DSP: variants seen among roughly 807,000 people sequenced by gnomAD.
The protein encoded by DSP is desmoplakin, also known as 250/210 kDa paraneoplastic pemphigus antigen.
A neutral mutation model predicts 290.6 loss-of-function variants in DSP; 114 were observed. The ratio of observed to expected loss-of-function variants is 0.39; its 90% CI spans 0.34 to 0.46. The LOEUF is 0.46. Among genes scored for constraint, DSP ranks in the 20% least tolerant of loss-of-function variants. The pLI is 0.99. For missense variants in DSP, 3,230 were observed against 3,495.8 expected (o/e 0.92, Z 1.92); for synonymous variants, 1,311 against 1,316.4 (o/e 1.00, Z 0.09).
intron 1 of DSP, among the ~76,000 whole-genome samples, chr6:7,548,373 C>G (rs571097463): frequency 6.6e-6 from 1 of 152,298 alleles, no homozygotes; most frequent in South Asian, 2.1e-4. Flanking sequence ...CCCCTCTGAG[C>G]CTCACCTCAG....
chr6:7,544,101 TGCCCGGCAG>T (rs1758100164), intron 1 of DSP, among the ~76,000 whole-genome samples: 1 of 152,196 alleles, frequency 6.6e-6, no homozygotes, highest in Non-Finnish European at 1.5e-5. Context: ...AATGTTGCTC[TGCCCGGCAG>T]CAGGGCGTCA....
At chr6:7,561,533 C>T (rs868116243) in intron 4 of DSP, among the ~76,000 whole-genome samples, 26 of 152,124 alleles carry the variant, frequency 1.7e-4, no homozygotes, top group African/African-American at 5.8e-4. Flanking sequence ...TTTGTTTTCC[C>T]GATTTGTGTT....
intron 4 of DSP, among the ~76,000 whole-genome samples, chr6:7,560,084 A>C (rs1264190376): frequency 6.6e-6 from 1 of 152,262 alleles, no homozygotes; most frequent in Non-Finnish European, 1.5e-5. Flanking sequence ...TATAATGAAC[A>C]GGTGGTGGTA....
At chr6:7,578,340 C>T in intron 21 of DSP, 124 bp from the exon 22 acceptor site, 1 of 816,682 alleles carries the variant, frequency 1.2e-6, no homozygotes, top group Non-Finnish European at 2.0e-6. Flanking sequence ...TTGGAATGAA[C>T]ACACTAAAGA....
chr6:7,563,832 A>C, intron 6 of DSP, 46 bp downstream of exon 6: 1 of 1,559,414 alleles, frequency 6.4e-7, no homozygotes, highest in Non-Finnish European at 8.8e-7. Flanking sequence ...TGTTGTTTCC[A>C]ATTCAATTCA....
chr6:7,572,143 G>A (rs1759076732), intron 15 of DSP, 75 bp downstream of exon 15: 3 of 1,340,940 alleles, frequency 2.2e-6, no homozygotes, highest in Non-Finnish European at 3.1e-6. Flanking sequence ...AAAAAATCCT[G>A]GTTTAAATGT....
intron 1 of DSP, among the ~76,000 whole-genome samples, 184 bp downstream of exon 1, chr6:7,542,269 TGGCCCCTGTCCTGCGAACAGGGACTC>T (rs949486239): frequency 8.4e-5 from 12 of 143,182 alleles, no homozygotes; most frequent in Admixed American, 6.8e-5. Context: ...GGGGACAGGT[TGGCCCCTGTCCTGCGAACAGGGACTC>T]GGTCGTACCT....
rs2806229 is a variant in DSP, at chr6:7,578,586, T to G, written c.3084+24T>G. 0.78 allele frequency: 1,235,701 copies of G among 1,576,868 alleles called. 485,718 individuals carry two copies. Among genetic ancestry groups the G allele is most frequent in the East Asian group, 0.81 (36,145 of 44,574 alleles). The stretch of plus-strand genomic sequence containing the variant: ...AGGTAATTTATACTGTCTTTTCTTG[T>G]AGCGTCAAAAAAGAAAATAGAATAG... On this transcript the variant is annotated intron_variant, in intron 22 of 23. Coordinates refer to ENST00000379802, the MANE Select transcript of DSP (RefSeq NM_004415.4).
At chr6:7,576,866 G>A in intron 19 of DSP, 93 bp from the exon 20 acceptor site, 1 of 1,110,126 alleles carries the variant, frequency 9.0e-7, no homozygotes, top group Non-Finnish European at 1.3e-6. Context: ...ACTGAAAAAA[G>A]GGTACAAATA....
intron 17 of DSP, 50 bp from the exon 18 acceptor site, chr6:7,575,245 A>G (rs755521823): frequency 6.2e-7 from 1 of 1,601,584 alleles, no homozygotes; most frequent in Non-Finnish European, 8.6e-7. Flanking sequence ...AGTGTAGCAT[A>G]CAATGGGAGA....
At chr6:7,573,552 T>C (rs1759126103) in intron 15 of DSP, among the ~76,000 whole-genome samples, 1 of 148,740 alleles carries the variant, frequency 6.7e-6, no homozygotes, top group Non-Finnish European at 1.5e-5. Flanking sequence ...CACTCCAGCC[T>C]GGGCGACAGA....
At position 7,581,529 on chromosome 6, in the gene DSP, T is replaced by G. The variant is rs200331083; in HGVS notation, c.5339T>G (p.Leu1780Trp). The change falls in exon 23 of 24, where the codon TTG becomes TGG. Residue 1780 changes from leucine to tryptophan, a missense_variant. Coordinates refer to ENST00000379802, the MANE Select transcript of DSP (RefSeq NM_004415.4). ...GATTTACAGAGAGAGAGGGAAAATT[T>G]GAGACAGGAAATTGAGAAATTCCAA... ...INDLQREREN[L>W]RQEIEKFQKQ... The G allele has an allele frequency of 1.2e-6, 2 of 1,614,114 alleles. No homozygotes were observed. Among genetic ancestry groups the G allele is most frequent in the African/African-American group, 1.3e-5 (1 of 75,066 alleles).
rs774549648 is a variant in DSP at position 7,570,534 on chromosome 6, G to C, written c.1672G>C (p.Glu558Gln). The stretch of plus-strand genomic sequence containing the variant: ...CTGGCACTACTGCATGATTGACATA[G>C]AGAAGATCAGGGCCATGACAATCGC... ...VSWHYCMIDI[E>Q]KIRAMTIAKL... The change falls in exon 13 of 24, where the codon GAG becomes CAG. Residue 558 changes from glutamate (E) to glutamine (Q), a missense_variant. Glu to Gln is a conservative substitution (Grantham distance 29, BLOSUM62 2). This residue lies in a region of DSP where 81 missense variants were observed against 130.5 expected (regional missense o/e 0.62). Coordinates refer to ENST00000379802, the MANE Select transcript of DSP (RefSeq NM_004415.4). The C allele has an allele frequency of 1.9e-6, 3 of 1,613,776 alleles. No individual in the cohort carries two copies. The highest frequency in any genetic ancestry group is 2.5e-6 in the Non-Finnish European group (3 of 1,180,036).
chr6:7,574,326 A>T (rs1184962308), intron 16 of DSP, 74 bp downstream of exon 16: 2 of 1,452,554 alleles, frequency 1.4e-6, no homozygotes. Context: ...TTTGCTTTAG[A>T]TGCTTGCCTT....
rs762892811 is a variant in DSP at position 7,584,330 on chromosome 6, G to A, written c.7068G>A (p.Lys2356=). 25 of 1,614,050 alleles carry A rather than the reference G, an allele frequency of 1.5e-5. No individual in the cohort carries two copies. In the Admixed American group the frequency reaches 3.5e-4, roughly 23 times the overall value. Reference sequence around the variant, plus strand: ...TCTCTTTGTTCCAAGCCATGAATAAGGAACTCATCGAAAAGGGCCACGGTA... The same window carrying A: ...TCTCTTTGTTCCAAGCCATGAATAAAGAACTCATCGAAAAGGGCCACGGTA... The part of the protein sequence containing the change: ...NIISLFQAMN[K]ELIEKGHGIR... The change falls in exon 24 of 24, where the codon AAG becomes AAA. Residue 2356 remains lysine, a synonymous_variant. Coordinates refer to ENST00000379802, the MANE Select transcript of DSP (RefSeq NM_004415.4). The surrounding 1 kb of genome is among the most constrained non-coding windows in gnomAD (Gnocchi z 6.4).
rs1759344349 is a variant in DSP at position 7,579,408 on chromosome 6, A to G, written c.3218A>G (p.Lys1073Arg). Residue 1073 changes from lysine to arginine, a missense_variant, in exon 23 of 24, where the codon AAA becomes AGA. Transcript: ENST00000379802. This position sits in a 1 kb window ranked among gnomAD's most constrained non-coding sequence, Gnocchi z 4.1. ...QKYQAECSQF[K>R]AKLASLEELK... The stretch of plus-strand genomic sequence containing the variant: ...TACCAGGCAGAGTGTTCCCAGTTCA[A>G]AGCGAAGCTTGCGAGCCTGGAGGAG... The G allele has an allele frequency of 6.2e-7, 1 of 1,614,204 alleles. No individual in the cohort carries two copies. The highest frequency in any genetic ancestry group is 8.5e-7 in the Non-Finnish European group (1 of 1,180,042).
intron 1 of DSP, among the ~76,000 whole-genome samples, chr6:7,545,383 G>A (rs1758144113): frequency 6.6e-6 from 1 of 152,198 alleles, no homozygotes. Flanking sequence ...GGAAGCTGAG[G>A]ACGTGCCGAA....
In DSP at chr6:7,579,990, G is replaced by C; in HGVS notation, c.3800G>C (p.Arg1267Pro). The change falls in exon 23 of 24, where the codon CGA (arginine) becomes CCA (proline). Residue 1267 changes from arginine to proline, a missense_variant. Arg to Pro is a moderately radical substitution (Grantham distance 103). Coordinates refer to ENST00000379802, the MANE Select transcript of DSP (RefSeq NM_004415.4). The surrounding 1 kb of genome is among the most constrained non-coding windows in gnomAD (Gnocchi z 4.1). ...NDSILQATEQRRRAEENALQQ... is the reference protein window; with the variant it reads ...NDSILQATEQPRRAEENALQQ... ...AGCATCTTGCAGGCCACTGAGCAGC[G>C]AAGGCGAGCTGAAGAAAACGCCCTT... The C allele has an allele frequency of 6.2e-7, 1 of 1,614,116 alleles. No homozygotes were observed. Among genetic ancestry groups the C allele is most frequent in the Non-Finnish European group, 8.5e-7 (1 of 1,180,014 alleles).
intron 1 of DSP, among the ~76,000 whole-genome samples, chr6:7,548,092 C>A (rs929619339): frequency 6.6e-6 from 1 of 152,040 alleles, no homozygotes; most frequent in African/African-American, 2.4e-5. Context: ...TATGGTGAAA[C>A]CCCGTCTCTA....
Sources: allele counts gnomAD v4.1 joint callset (sites outside exome capture counted in the v4.1 genomes callset), GRCh38; gene constraint gnomAD v4.1.1; regional missense constraint gnomAD v4.1.1; non-coding constraint Gnocchi (gnomAD v3.1); transcripts MANE v1.5; gene names NCBI Gene and HGNC (gene_info 2026-07-23, HGNC 2026-07-21).